Variants in EBF3 observed in about 807,000 individuals in gnomAD.
EBF3 encodes the protein transcription factor COE3.
A neutral mutation model predicts 77.1 loss-of-function variants in EBF3; 18 were observed. The ratio of observed to expected loss-of-function variants is 0.23; its 90% CI spans 0.16 to 0.35. The LOEUF is 0.35. Among genes scored for constraint, EBF3 ranks in the 10% least tolerant of loss-of-function variants. EBF3 has a pLI of 1.00. For missense variants in EBF3, 558 were observed against 860.0 expected, an observed-to-expected ratio of 0.65 and a Z score of 4.39; for synonymous variants, 350 against 343.5, an observed-to-expected ratio of 1.02 and a Z score of -0.21.
chr10:129,962,275 T>A (rs755458068), intron 3 of EBF3, 49 bp from the exon 4 acceptor site: 1 of 1,588,120 alleles, frequency 6.3e-7, no homozygotes, highest in South Asian at 1.1e-5. Flanking sequence ...GTGCTGCACC[T>A]CGGGGAGGGC....
In EBF3 at chr10:129,840,226, G is replaced by A. The variant is rs1454609578; in HGVS notation, c.1759+19C>T. 1.0e-5 allele frequency: 13 copies of A among 1,264,764 alleles called. No homozygotes were observed. The highest frequency in any genetic ancestry group is 2.5e-5 in the South Asian group (2 of 78,476). 78.3% of individuals were successfully genotyped at this position (1,264,764 alleles called of 1,614,324 possible). A position where few individuals can be genotyped will look rare whatever the true frequency, so the allele number is the denominator to read the frequency against. On this transcript the variant is annotated intron_variant, in intron 15 of 16. Coordinates refer to ENST00000440978, the MANE Select transcript of EBF3 (RefSeq NM_001375380.1). Reference sequence around the variant, plus strand: ...TGGAGAGGACCCAGCACTGGCCCACGGCCCCGCACCACCCTCACCTTGCAG... The same window carrying A: ...TGGAGAGGACCCAGCACTGGCCCACAGCCCCGCACCACCCTCACCTTGCAG...
Position 129,847,453 on chromosome 10 carries a change from T to A in EBF3, c.1128+939A>T, listed in dbSNP as rs142967125. ...AAAACATCTTCCCCAGCCCTGATGA[T>A]CCTAACAGTGAATATCTGACATCCG... is the stretch of plus-strand genomic sequence containing the variant. On this transcript the variant is annotated intron_variant, in intron 11 of 16. Coordinates refer to ENST00000440978, the MANE Select transcript of EBF3 (RefSeq NM_001375380.1). Among the ~76,000 whole-genome samples the A allele has an allele frequency of 2.5e-3, 388 of 152,314 alleles. 2 individuals carry two copies. The highest frequency in any genetic ancestry group is 4.5e-3 in the Non-Finnish European group (304 of 68,032).
rs1321722088 is a variant in EBF3, at chr10:129,935,573, T to A, written c.554+21685A>T. On this transcript the variant is annotated intron_variant, in intron 6 of 16. Transcript: ENST00000440978. The surrounding 1 kb of genome is among the most constrained non-coding windows in gnomAD (Gnocchi z 4.2). ...CCCATATGTAAGGCATGGGGTTAGATACATGCACCCCACAAGGCTGGCGGG... is the reference window on the plus strand; with the variant it reads ...CCCATATGTAAGGCATGGGGTTAGAAACATGCACCCCACAAGGCTGGCGGG... Among the ~76,000 whole-genome samples, 6 of 152,104 alleles carry A rather than the reference T, an allele frequency of 3.9e-5. No homozygotes were observed. The highest frequency in any genetic ancestry group is 6.5e-5 in the Admixed American group (1 of 15,278).
intron 8 of EBF3, among the ~76,000 whole-genome samples, chr10:129,872,207 G>A (rs536990638): frequency 4.6e-5 from 7 of 152,250 alleles, no homozygotes; most frequent in African/African-American, 1.4e-4. Context: ...ACTGAGGACC[G>A]GGGATTCAAC....
intron 6 of EBF3, among the ~76,000 whole-genome samples, chr10:129,945,820 T>C (rs1858169729): frequency 6.6e-6 from 1 of 152,206 alleles, no homozygotes; most frequent in African/African-American, 2.4e-5. Flanking sequence ...GCTCTATTTA[T>C]GATCATTATT....
rs572761839 is a variant in EBF3 at position 129,885,598 on chromosome 10, T to C, written c.555-7749A>G. Among the ~76,000 whole-genome samples, 18 of 152,230 alleles carry C rather than the reference T, an allele frequency of 1.2e-4. No homozygotes were observed. Among genetic ancestry groups the C allele is most frequent in the African/African-American group, 4.3e-4 (18 of 41,520 alleles). On this transcript the variant is annotated intron_variant, in intron 6 of 16. Transcript: ENST00000440978. This position sits in a 1 kb window ranked among gnomAD's most constrained non-coding sequence, Gnocchi z 4.0. ...ATCTTTCTTTCCCCCCTTTACCTATTTCTCTATTTCTAATGGGCAATGCAG... is the reference window on the plus strand; with the variant it reads ...ATCTTTCTTTCCCCCCTTTACCTATCTCTCTATTTCTAATGGGCAATGCAG...
chr10:129,942,762 A>T (rs1260438349), intron 6 of EBF3, among the ~76,000 whole-genome samples: 3 of 152,180 alleles, frequency 2.0e-5, no homozygotes, highest in Non-Finnish European at 4.4e-5. Flanking sequence ...TCTTACTTTT[A>T]AATGAAATCA....
chr10:129,842,416 T>G lies in EBF3; in HGVS notation c.1195-123A>C. 1.8e-6 allele frequency: 2 copies of G among 1,127,196 alleles called. No individual in the cohort carries two copies. Among genetic ancestry groups the G allele is most frequent in the Non-Finnish European group, 2.5e-6 (2 of 815,212 alleles). The allele number at this position is 1,127,196 out of a possible 1,614,324, so 69.8% of individuals were successfully genotyped here. On this transcript the variant is annotated intron_variant, in intron 12 of 16. Transcript: ENST00000440978. This position sits in a 1 kb window ranked among gnomAD's most constrained non-coding sequence, Gnocchi z 4.4. ...TGCCCAGACCATGACCAAATCTATT[T>G]CTTAATGGGCAAAGAGCTTCCCCTA...
At chr10:129,850,588 C>T (rs1850803958) in intron 10 of EBF3, among the ~76,000 whole-genome samples, 1 of 152,218 alleles carries the variant, frequency 6.6e-6, no homozygotes, top group Non-Finnish European at 1.5e-5. Flanking sequence ...CTGGGGCTGC[C>T]ATTCCAGCTC....
In EBF3 at chr10:129,897,389, G is replaced by A. The variant is rs543013559; in HGVS notation, c.555-19540C>T. Among the ~76,000 whole-genome samples the A allele has an allele frequency of 9.9e-4, 151 of 152,268 alleles. 1 individual carries two copies. The highest frequency in any genetic ancestry group is 3.3e-3 in the African/African-American group (139 of 41,570). On this transcript the variant is annotated intron_variant, in intron 6 of 16. Coordinates refer to ENST00000440978, the MANE Select transcript of EBF3 (RefSeq NM_001375380.1). This position sits in a 1 kb window ranked among gnomAD's most constrained non-coding sequence, Gnocchi z 4.6. Reference sequence around the variant, plus strand: ...TTGTGGAACCAGAGCAGAGCCCAGCGGTGCCACCCATCTGGAAGGCGGTGC... The same window carrying A: ...TTGTGGAACCAGAGCAGAGCCCAGCAGTGCCACCCATCTGGAAGGCGGTGC...
chr10:129,963,777 C>G lies in EBF3; in HGVS notation c.-9G>C. 1 of 1,503,844 alleles carries G rather than the reference C, an allele frequency of 6.6e-7. No homozygotes were observed. 93.2% of individuals were successfully genotyped at this position (1,503,844 alleles called of 1,614,324 possible). On this transcript the variant is annotated 5_prime_UTR_variant, in exon 1 of 17. Coordinates refer to ENST00000440978, the MANE Select transcript of EBF3 (RefSeq NM_001375380.1). This position sits in a 1 kb window ranked among gnomAD's most constrained non-coding sequence, Gnocchi z 7.1. Reference sequence around the variant, plus strand: ...TCCTGAATCCCAAACATGAAAACTGCTGGCGGCGGCCGCAGCTCCCGGCCG... The same window carrying G: ...TCCTGAATCCCAAACATGAAAACTGGTGGCGGCGGCCGCAGCTCCCGGCCG...
intron 6 of EBF3, among the ~76,000 whole-genome samples, chr10:129,930,921 C>T (rs576625722): frequency 4.8e-5 from 7 of 144,780 alleles, no homozygotes; most frequent in African/African-American, 1.8e-4. Flanking sequence ...ATTAACAAAT[C>T]CCCCTCTCAT....
In EBF3 at chr10:129,958,914, G is replaced by A. The variant is rs756368153; in HGVS notation, c.485+20C>T. 1.2e-5 allele frequency: 19 copies of A among 1,581,846 alleles called. No homozygotes were observed. The Admixed American group carries it at 2.1e-4, about 18-fold the overall frequency. On this transcript the variant is annotated intron_variant, in intron 5 of 16. Coordinates refer to ENST00000440978, the MANE Select transcript of EBF3 (RefSeq NM_001375380.1). ...CGCCGAGGCAGCCCGCGCCCCCGCC[G>A]CCCGCCGCCCGCCGCTCACCTGCAC...
Position 129,840,887 on chromosome 10 carries a change from C to G in EBF3, c.1518G>C (p.Ser506=). 1 of 1,613,892 alleles carries G rather than the reference C, an allele frequency of 6.2e-7. No homozygotes were observed. The highest frequency in any genetic ancestry group is 8.5e-7 in the Non-Finnish European group (1 of 1,179,908). Residue 506 remains serine (S), a synonymous_variant, in exon 14 of 17, where the codon TCG becomes TCC. Coordinates refer to ENST00000440978, the MANE Select transcript of EBF3 (RefSeq NM_001375380.1). The part of the protein sequence containing the change: ...GAMASLGVPG[S]PGFLNGSSAN... ...CGGAGGAGCCATTAAGAAATCCAGG[C>G]GAGCCAGGGACCCCTAGACTGGCCA...
chr10:129,953,202 G>C (rs1858802363), intron 6 of EBF3, among the ~76,000 whole-genome samples: 1 of 150,944 alleles, frequency 6.6e-6, no homozygotes, highest in Non-Finnish European at 1.5e-5. Flanking sequence ...GCGCAGAGCT[G>C]AAATGGGGGT....
rs371400538 is a variant in EBF3 at position 129,917,521 on chromosome 10, A to G, written c.555-39672T>C. Among the ~76,000 whole-genome samples, 4 of 152,114 alleles carry G rather than the reference A, an allele frequency of 2.6e-5. No homozygotes were observed. In the East Asian group the frequency reaches 5.8e-4, roughly 22 times the overall value. On this transcript the variant is annotated intron_variant, in intron 6 of 16. Transcript: ENST00000440978. ...AAATAAAGACAAGAAAGCCAGACAC[A>G]ATAATGTGCACCTGAAGTCCCAGCT...
chr10:129,963,858 C>A lies in EBF3; in HGVS notation c.-90G>T. 1 of 1,319,390 alleles carries A rather than the reference C, an allele frequency of 7.6e-7. No homozygotes were observed. The highest frequency in any genetic ancestry group is 9.8e-7 in the Non-Finnish European group (1 of 1,025,608). The allele number at this position is 1,319,390 out of a possible 1,614,324, so 81.7% of individuals were successfully genotyped here. On this transcript the variant is annotated 5_prime_UTR_variant, in exon 1 of 17. Coordinates refer to ENST00000440978, the MANE Select transcript of EBF3 (RefSeq NM_001375380.1). The surrounding 1 kb of genome is among the most constrained non-coding windows in gnomAD (Gnocchi z 7.1). ...GCTTGGCGGCAGGCGGCTGCCCTGG[C>A]CGCCCTCGCCCTGCTCGGCGCCTGC... is the stretch of plus-strand genomic sequence containing the variant.
At chr10:129,843,299 C>A in intron 11 of EBF3, 97 bp from the exon 12 acceptor site, 1 of 1,332,366 alleles carries the variant, frequency 7.5e-7, no homozygotes, top group South Asian at 1.3e-5. Context: ...GGAGACCAGT[C>A]CCCACCCACA....
intron 6 of EBF3, among the ~76,000 whole-genome samples, chr10:129,902,021 CT>C (rs1215351748): frequency 3.9e-5 from 6 of 152,210 alleles, no homozygotes; most frequent in Non-Finnish European, 5.9e-5. Context: ...ACTCTGCTTC[CT>C]ATTAGCTGAG....
Sources: allele counts gnomAD v4.1 joint callset (sites outside exome capture counted in the v4.1 genomes callset), GRCh38; gene constraint gnomAD v4.1.1; non-coding constraint Gnocchi (gnomAD v3.1); transcripts MANE v1.5; gene names NCBI Gene and HGNC (gene_info 2026-07-23, HGNC 2026-07-21).